The following ARHGEF33 variants were observed in gnomAD, a reference collection of about 807,000 sequenced individuals.
The protein encoded by ARHGEF33 is Rho guanine nucleotide exchange factor 33.
ARHGEF33 carries 72 observed loss-of-function variants against 101.9 expected under a neutral mutation model. That is an observed-to-expected ratio of 0.71 (90% CI 0.58 to 0.86). The LOEUF (loss-of-function observed/expected upper bound fraction) is 0.86. Among genes scored for constraint, ARHGEF33 ranks in the 40% least tolerant of loss-of-function variants. The pLI, the probability that ARHGEF33 is intolerant of heterozygous loss-of-function variation, is 0.00. For synonymous variants in ARHGEF33, 499 were observed against 442.5 expected (o/e 1.13, Z -1.60); for missense variants, 1,169 against 1,111.3 (o/e 1.05, Z -0.74).
chr2:38,965,301 T>G (rs536795101), intron 16 of ARHGEF33, among the ~76,000 whole-genome samples: 11 of 152,232 alleles, frequency 7.2e-5, no homozygotes, highest in Non-Finnish European at 1.3e-4. Context: ...TGCATATAAA[T>G]ATACATGCAC....
At chr2:38,896,185 C>A (rs546409159) in intron 2 of ARHGEF33, among the ~76,000 whole-genome samples, 6 of 152,260 alleles carry the variant, frequency 3.9e-5, no homozygotes, top group Non-Finnish European at 7.3e-5. Flanking sequence ...CTCTGTCGCC[C>A]AGTAGTGCAG....
intron 17 of ARHGEF33, among the ~76,000 whole-genome samples, chr2:38,967,740 C>CT (rs1197532255): frequency 2.0e-5 from 3 of 148,864 alleles, no homozygotes; most frequent in African/African-American, 7.4e-5. Flanking sequence ...CACGCCCTGG[C>CT]TATTTTTTTT....
At chr2:38,943,382 C>T (rs1025867937) in intron 9 of ARHGEF33, among the ~76,000 whole-genome samples, 4 of 152,218 alleles carry the variant, frequency 2.6e-5, no homozygotes, top group Non-Finnish European at 5.9e-5. Context: ...AGGGAAGTCT[C>T]ACTGTTCAGT....
At chr2:38,891,639 C>T (rs1673572568) in intron 1 of ARHGEF33, among the ~76,000 whole-genome samples, 2 of 152,166 alleles carry the variant, frequency 1.3e-5, no homozygotes, top group African/African-American at 4.8e-5. Flanking sequence ...TTCAATATTT[C>T]TCTTTGTTTG....
intron 16 of ARHGEF33, among the ~76,000 whole-genome samples, chr2:38,962,344 G>A (rs576772575): frequency 6.6e-6 from 1 of 152,320 alleles, no homozygotes; most frequent in Middle Eastern, 3.4e-3. Flanking sequence ...TATTTCGTAT[G>A]TAATAACAAT....
At chr2:38,931,385 A>G in intron 7 of ARHGEF33, 134 bp downstream of exon 7, 1 of 751,038 alleles carries the variant, frequency 1.3e-6, no homozygotes, top group Non-Finnish European at 2.1e-6. Flanking sequence ...TTGTAACTGG[A>G]ATTCAGAAGA....
intron 17 of ARHGEF33, chr2:38,971,809 A>C: frequency 2.8e-6 from 2 of 718,380 alleles, no homozygotes; most frequent in East Asian, 2.7e-5. Flanking sequence ...CAGTTAAAAA[A>C]ATTTAAGCTG....
Position 38,960,576 on chromosome 2 carries a change from C to G in ARHGEF33, c.2271C>G (p.Arg757=), listed in dbSNP as rs1435102560. Residue 757 remains arginine (R), a synonymous_variant, in exon 16 of 18, where the codon CGC becomes CGG. Coordinates refer to ENST00000409978, the MANE Select transcript of ARHGEF33 (RefSeq NM_001145451.5). ...CGGCCGCCGCCGCCGTCGCCGCCCG[C>G]GGCGCATCCAGGACCTTCTTCCCCC... ...HGPAAAAVAA[R]GASRTFFPQQ... The G allele has an allele frequency of 1.1e-5, 14 of 1,296,242 alleles. No homozygotes were observed. Among genetic ancestry groups the G allele is most frequent in the Non-Finnish European group, 1.4e-5 (14 of 1,003,892 alleles). The allele number at this position is 1,296,242 out of a possible 1,614,324, so 80.3% of individuals were successfully genotyped here. A position where few individuals can be genotyped will look rare whatever the true frequency, so the allele number is the denominator to read the frequency against.
At chr2:38,918,492 A>G (rs1415405748) in intron 2 of ARHGEF33, among the ~76,000 whole-genome samples, 1 of 152,164 alleles carries the variant, frequency 6.6e-6, no homozygotes, top group African/African-American at 2.4e-5. Context: ...AAACTTAAGA[A>G]GGGGTTAAAA....
intron 16 of ARHGEF33, among the ~76,000 whole-genome samples, chr2:38,964,279 A>T (rs1038010346): frequency 6.6e-6 from 1 of 152,116 alleles, no homozygotes; most frequent in African/African-American, 2.4e-5. Flanking sequence ...AATTATCTCA[A>T]ACCTACTTTT....
rs781637667 is a variant in ARHGEF33 at position 38,959,944 on chromosome 2, G to C, written c.1639G>C (p.Glu547Gln). 3 of 1,551,428 alleles carry C rather than the reference G, an allele frequency of 1.9e-6. No individual in the cohort carries two copies. Among genetic ancestry groups the C allele is most frequent in the African/African-American group, 2.7e-5 (2 of 73,046 alleles). ...CTGGGAGCTGGAGGGCAGGAAGCAC[G>C]AGCGGCCCGAGAGCCTTCTGGCACC... ...SDWELEGRKHERPESLLAPTQ... is the reference protein window; with the variant it reads ...SDWELEGRKHQRPESLLAPTQ... Residue 547 changes from glutamate (E) to glutamine (Q), a missense_variant, in exon 16 of 18, where the codon GAG (glutamate) becomes CAG (glutamine). Transcript: ENST00000409978.
chr2:38,910,800 C>A (rs1666492632), intron 2 of ARHGEF33, among the ~76,000 whole-genome samples: 1 of 152,132 alleles, frequency 6.6e-6, no homozygotes, highest in African/African-American at 2.4e-5. Context: ...TATCAGAGCC[C>A]ACACAGGAAT....
chr2:38,971,793 G>C (rs1226606908), intron 17 of ARHGEF33: 1 of 717,844 alleles, frequency 1.4e-6, no homozygotes, highest in Non-Finnish European at 2.6e-6. Context: ...CAATTTGTGA[G>C]AAGAGCAGTT....
At chr2:38,899,936 C>G (rs1276246695) in intron 2 of ARHGEF33, among the ~76,000 whole-genome samples, 1 of 151,980 alleles carries the variant, frequency 6.6e-6, no homozygotes, top group East Asian at 1.9e-4. Context: ...TGACTGTAAT[C>G]CTAGCACTTT....
At position 38,927,674 on chromosome 2, in the gene ARHGEF33, C is replaced by T. The variant is rs141027603; in HGVS notation, c.76-1233C>T. 1.8e-4 allele frequency among the ~76,000 whole-genome samples: 27 copies of T among 152,244 alleles called. No individual in the cohort carries two copies. In the East Asian group the frequency reaches 3.7e-3, roughly 21 times the overall value. The stretch of plus-strand genomic sequence containing the variant: ...TCATGCCACTGCACTCCAGCCTGGG[C>T]GACAGAGCAAGACCCTGTCTCAAAA... On this transcript the variant is annotated intron_variant, in intron 4 of 17. Coordinates refer to ENST00000409978, the MANE Select transcript of ARHGEF33 (RefSeq NM_001145451.5).
chr2:38,896,079 G>C lies in ARHGEF33; in HGVS notation c.-86+230G>C, dbSNP rs148882746. ...AAACCAGCTATGTTACATCAGACTTGATTGCGTATATGAATGCTAACAGCA... is the reference window on the plus strand; with the variant it reads ...AAACCAGCTATGTTACATCAGACTTCATTGCGTATATGAATGCTAACAGCA... On this transcript the variant is annotated intron_variant, in intron 2 of 17. Coordinates refer to ENST00000409978, the MANE Select transcript of ARHGEF33 (RefSeq NM_001145451.5). Among the ~76,000 whole-genome samples, 7 of 152,298 alleles carry C rather than the reference G, an allele frequency of 4.6e-5. No homozygotes were observed. The South Asian group carries it at 1.4e-3, about 32-fold the overall frequency.
chr2:38,930,979 C>A, intron 6 of ARHGEF33, 130 bp from the exon 7 acceptor site: 1 of 665,760 alleles, frequency 1.5e-6, no homozygotes, highest in Non-Finnish European at 2.3e-6. Context: ...TTTTAATTTT[C>A]AAAAATAGCA....
chr2:38,947,371 G>A (rs1354588411), intron 10 of ARHGEF33, among the ~76,000 whole-genome samples: 1 of 152,192 alleles, frequency 6.6e-6, no homozygotes, highest in Non-Finnish European at 1.5e-5. Flanking sequence ...GGCAGAACTT[G>A]AGGGCTATGA....
At chr2:38,934,803 A>T (rs1480630746) in intron 7 of ARHGEF33, among the ~76,000 whole-genome samples, 1 of 151,926 alleles carries the variant, frequency 6.6e-6, no homozygotes, top group African/African-American at 2.4e-5. Context: ...GATAAGTAAG[A>T]TATGTAGTAT....
Sources: allele counts gnomAD v4.1 joint callset (sites outside exome capture counted in the v4.1 genomes callset), GRCh38; gene constraint gnomAD v4.1.1; transcripts MANE v1.5; gene names NCBI Gene and HGNC (gene_info 2026-07-23, HGNC 2026-07-21).